PDZD2: variants seen among roughly 807,000 people sequenced by gnomAD.
The protein encoded by PDZD2 is PDZ domain-containing protein 2.
In PDZD2, 90 loss-of-function variants were observed where a neutral mutation model predicts 220.7. The observed-to-expected ratio is 0.41, with a 90% confidence interval of 0.34 to 0.49. The LOEUF is 0.49. Ranked by LOEUF, PDZD2 falls within the 20% of genes least tolerant of loss-of-function variation. The pLI is 0.28. For synonymous variants in PDZD2, 1,375 were observed against 1,450.5 expected (o/e 0.95, Z 1.18); for missense variants, 3,174 against 3,608.5 (o/e 0.88, Z 3.08).
At chr5:32,102,955 A>AAATGT (rs1744394967) in intron 24 of PDZD2, among the ~76,000 whole-genome samples, 1 of 152,218 alleles carries the variant, frequency 6.6e-6, no homozygotes, top group South Asian at 2.1e-4. Flanking sequence ...AAATGGAGTT[A>AAATGT]AATGTATTTT....
At chr5:32,070,528 TGGCATATAGTTTA>T (rs1554037104) in intron 15 of PDZD2, among the ~76,000 whole-genome samples, 1 of 152,262 alleles carries the variant, frequency 6.6e-6, no homozygotes, top group Non-Finnish European at 1.5e-5. Context: ...TTCTGCTTCA[TGGCATATAGTTTA>T]AATCCTGAGC....
At chr5:32,049,517 G>A (rs1370311412) in intron 8 of PDZD2, among the ~76,000 whole-genome samples, 1 of 152,236 alleles carries the variant, frequency 6.6e-6, no homozygotes, top group African/African-American at 2.4e-5. Context: ...GGCATCTGAG[G>A]CAGGCCCTTA....
At chr5:31,845,066 G>C (rs1757513596) in intron 2 of PDZD2, among the ~76,000 whole-genome samples, 1 of 152,034 alleles carries the variant, frequency 6.6e-6, no homozygotes. Flanking sequence ...CAGAAGAATG[G>C]GAGATGAGAA....
At chr5:31,965,803 A>G (rs9687053) in intron 2 of PDZD2, among the ~76,000 whole-genome samples, 5,684 of 152,226 alleles carry the variant, frequency 0.037, 381 homozygotes, top group African/African-American at 0.13. Context: ...GGAGACTGAG[A>G]CAGGAGAATC....
Position 32,098,228 on chromosome 5 carries a change from C to T in PDZD2, c.7948-136C>T, listed in dbSNP as rs573675437. 1.4e-4 allele frequency: 116 copies of T among 856,410 alleles called. 1 individual carries two copies. Among genetic ancestry groups the T allele is most frequent in the South Asian group, 8.9e-4 (49 of 55,214 alleles). 53.1% of individuals were successfully genotyped at this position (856,410 alleles called of 1,614,324 possible). A position where few individuals can be genotyped will look rare whatever the true frequency, so the allele number is the denominator to read the frequency against. On this transcript the variant is annotated intron_variant, in intron 22 of 24. Coordinates refer to ENST00000438447, the MANE Select transcript of PDZD2 (RefSeq NM_178140.4). This position sits in a 1 kb window ranked among gnomAD's most constrained non-coding sequence, Gnocchi z 4.1. ...CTGTACTCCAGCCTGGGTGACACAG[C>T]GAGACTCCCTCTCAAAAAATAAAAA... is the stretch of plus-strand genomic sequence containing the variant.
chr5:31,900,253 G>A, intron 2 of PDZD2, among the ~76,000 whole-genome samples: 1 of 152,190 alleles, frequency 6.6e-6, no homozygotes, highest in East Asian at 1.9e-4. Flanking sequence ...GCTTTCCGTA[G>A]TCCTGGGGTT....
In PDZD2 at chr5:31,993,195, G is replaced by T. The variant is rs528185425; in HGVS notation, c.979-2381G>T. On this transcript the variant is annotated intron_variant, in intron 3 of 24. Coordinates refer to ENST00000438447, the MANE Select transcript of PDZD2 (RefSeq NM_178140.4). ...GAGGCAGCAAACCAAAAACCATAGA[G>T]TCCAAAATGAGGTGATTGGATGAAA... is the stretch of plus-strand genomic sequence containing the variant. Among the ~76,000 whole-genome samples, 11 of 152,326 alleles carry T rather than the reference G, an allele frequency of 7.2e-5. No individual in the cohort carries two copies. The South Asian group carries it at 2.1e-3, about 29-fold the overall frequency.
rs570233719 is a variant in PDZD2, at chr5:32,045,598, T to G, written c.1520-2941T>G. ...CCACCACGCCCAGCTGTTTTTTTTT[T>G]TTGTATTTTTAGTAGAGATAGGGTT... On this transcript the variant is annotated intron_variant, in intron 7 of 24. Transcript: ENST00000438447. Among the ~76,000 whole-genome samples the G allele has an allele frequency of 4.0e-5, 6 of 151,728 alleles. No individual in the cohort carries two copies. In the South Asian group the frequency reaches 1.0e-3, roughly 26 times the overall value.
intron 2 of PDZD2, among the ~76,000 whole-genome samples, chr5:31,869,514 A>G (rs1386983940): frequency 6.6e-6 from 1 of 152,148 alleles, no homozygotes; most frequent in Non-Finnish European, 1.5e-5. Context: ...CAGTGAGCCA[A>G]GATCACGCCA....
At chr5:31,839,278 A>G (rs1757129139) in intron 2 of PDZD2, among the ~76,000 whole-genome samples, 1 of 152,242 alleles carries the variant, frequency 6.6e-6, no homozygotes, top group African/African-American at 2.4e-5. Context: ...GCAAACAGTA[A>G]GAAGAATGTT....
In PDZD2 at chr5:31,790,691, A is replaced by ATTTTTTTTT. The variant is rs869296191; in HGVS notation, c.-360-8181_-360-8173dup. Among the ~76,000 whole-genome samples, 6 of 75,498 alleles carry ATTTTTTTTT rather than the reference A, an allele frequency of 7.9e-5. 1 individual carries two copies. The highest frequency in any genetic ancestry group is 1.3e-4 in the Non-Finnish European group (5 of 38,920). 49.5% of individuals were successfully genotyped at this position (75,498 alleles called of 152,430 possible). Reference sequence around the variant, plus strand: ...CTTAGAATCCGCACCTATCTCTCTAATTTTTTTTTTTTTTTTTTTTTTTTT... The same window carrying ATTTTTTTTT: ...CTTAGAATCCGCACCTATCTCTCTAATTTTTTTTTTTTTTTTTTTTTTTTTTTTTTTTTT... On this transcript the variant is annotated intron_variant, in intron 1 of 24. Transcript: ENST00000438447.
chr5:31,686,783 T>G (rs1746890087), intron 1 of PDZD2, among the ~76,000 whole-genome samples: 1 of 152,274 alleles, frequency 6.6e-6, no homozygotes, highest in African/African-American at 2.4e-5. Flanking sequence ...TTCCATTATA[T>G]TTTTCAAACT....
intron 2 of PDZD2, among the ~76,000 whole-genome samples, chr5:31,942,460 C>G (rs140810456): frequency 6.6e-6 from 1 of 152,208 alleles, no homozygotes; most frequent in African/African-American, 2.4e-5. Context: ...GGAGACATGG[C>G]TCTTTTTGAG....
intron 1 of PDZD2, among the ~76,000 whole-genome samples, chr5:31,748,370 C>T (rs1352004233): frequency 1.3e-5 from 2 of 152,208 alleles, no homozygotes; most frequent in Non-Finnish European, 2.9e-5. Context: ...TGTCATTTCC[C>T]CAGCCACTCC....
chr5:31,946,581 G>A (rs561919630), intron 2 of PDZD2, among the ~76,000 whole-genome samples: 5 of 152,320 alleles, frequency 3.3e-5, no homozygotes, highest in South Asian at 2.1e-4. Flanking sequence ...TAGATGATTA[G>A]GAGGTCCCTT....
intron 2 of PDZD2, among the ~76,000 whole-genome samples, chr5:31,904,876 TAA>T (rs985356871): frequency 1.3e-5 from 2 of 152,218 alleles, no homozygotes; most frequent in African/African-American, 4.8e-5. Context: ...GCAGCACATC[TAA>T]ATGTTGCTGC....
chr5:32,060,975 G>A (rs759335796), intron 13 of PDZD2, 27 bp from the exon 14 acceptor site: 11 of 1,613,464 alleles, frequency 6.8e-6, no homozygotes, highest in Non-Finnish European at 7.6e-6. Flanking sequence ...TGCTAACACA[G>A]AGTGTGGATT....
chr5:31,795,367 C>G (rs948066743), intron 1 of PDZD2, among the ~76,000 whole-genome samples: 7 of 152,178 alleles, frequency 4.6e-5, no homozygotes, highest in African/African-American at 1.7e-4. Flanking sequence ...ATCTCAGTAA[C>G]AGAAGCATTT....
chr5:31,792,816 G>A (rs1753799399), intron 1 of PDZD2, among the ~76,000 whole-genome samples: 3 of 151,698 alleles, frequency 2.0e-5, no homozygotes, highest in South Asian at 2.1e-4. Context: ...TCCATGGAAG[G>A]TGCTTATTTA....
Sources: gnomAD v4.1 joint callset for allele counts (sites outside exome capture counted in the v4.1 genomes callset) on GRCh38, gnomAD v4.1.1 for gene constraint, Gnocchi (gnomAD v3.1) non-coding constraint, MANE v1.5 for transcripts, NCBI Gene and HGNC (gene_info 2026-07-23, HGNC 2026-07-21) for gene names.